DMRT1: variants seen among roughly 807,000 people sequenced by gnomAD.
The protein encoded by DMRT1 is doublesex- and mab-3-related transcription factor 1.
In DMRT1, 7 loss-of-function variants were observed where a neutral mutation model predicts 32.3. The observed-to-expected ratio is 0.22, with a 90% CI of 0.12 to 0.41. DMRT1 has a LOEUF of 0.41. Among genes scored for constraint, DMRT1 ranks in the 10% least tolerant of loss-of-function variants. The pLI is 1.00. For missense variants in DMRT1, 625 were observed against 500.5 expected (o/e 1.25, Z -2.37); for synonymous variants, 278 against 206.1 (o/e 1.35, Z -2.99).
chr9:928,519 C>A lies in DMRT1; in HGVS notation c.967+11612C>A, dbSNP rs1036179124. The stretch of plus-strand genomic sequence containing the variant: ...CTAGAGATGATTAACTCGGCCAGGT[C>A]TGAGCTTCCTGAGGCAGCGAAAGAA... On this transcript the variant is annotated intron_variant, in intron 4 of 4. Coordinates refer to ENST00000382276, the MANE Select transcript of DMRT1 (RefSeq NM_021951.3). 2.0e-5 allele frequency among the ~76,000 whole-genome samples: 3 copies of A among 152,164 alleles called. No individual in the cohort carries two copies. In the East Asian group the frequency reaches 5.8e-4, roughly 29 times the overall value.
At chr9:907,125 C>T (rs1384969727) in intron 3 of DMRT1, among the ~76,000 whole-genome samples, 1 of 152,170 alleles carries the variant, frequency 6.6e-6, no homozygotes, top group Non-Finnish European at 1.5e-5. Flanking sequence ...AACACACACC[C>T]CAGTCTTAAG....
chr9:916,091 C>G (rs917046656), intron 3 of DMRT1, among the ~76,000 whole-genome samples: 1 of 152,158 alleles, frequency 6.6e-6, no homozygotes, highest in Admixed American at 6.5e-5. Context: ...AGATAAAATT[C>G]CAGTTTTGCA....
chr9:865,557 TAGG>T (rs1815943846), intron 2 of DMRT1, among the ~76,000 whole-genome samples: 1 of 152,134 alleles, frequency 6.6e-6, no homozygotes, highest in Non-Finnish European at 1.5e-5. Flanking sequence ...CAGATATTAA[TAGG>T]AGGAGCAGAT....
At chr9:875,157 G>T (rs1241250580) in intron 2 of DMRT1, among the ~76,000 whole-genome samples, 1 of 152,092 alleles carries the variant, frequency 6.6e-6, no homozygotes, top group Admixed American at 6.6e-5. Context: ...TGTGCTTGTC[G>T]TTCTGATAAT....
chr9:855,826 C>G (rs1815375879), intron 2 of DMRT1, among the ~76,000 whole-genome samples: 2 of 152,258 alleles, frequency 1.3e-5, no homozygotes, highest in East Asian at 1.9e-4. Flanking sequence ...GCTGTGTTGC[C>G]TAGGCTGGTC....
chr9:963,296 T>C (rs1819833302), intron 4 of DMRT1, among the ~76,000 whole-genome samples: 1 of 152,234 alleles, frequency 6.6e-6, no homozygotes, highest in Non-Finnish European at 1.5e-5. Flanking sequence ...CGATACTCGA[T>C]TTTAAAGCTG....
chr9:883,116 A>T (rs750055737), intron 2 of DMRT1, among the ~76,000 whole-genome samples: 12 of 151,660 alleles, frequency 7.9e-5, no homozygotes, highest in Admixed American at 2.0e-4. Flanking sequence ...TTCCATACGC[A>T]TAGCCTGCCA....
intron 4 of DMRT1, among the ~76,000 whole-genome samples, chr9:932,961 G>T (rs1288226976): frequency 6.6e-6 from 1 of 151,754 alleles, no homozygotes; most frequent in Non-Finnish European, 1.5e-5. Flanking sequence ...CACCCAGGCT[G>T]GAGTGCAATG....
intron 3 of DMRT1, among the ~76,000 whole-genome samples, chr9:913,414 A>G (rs970359927): frequency 1.9e-4 from 9 of 47,612 alleles, no homozygotes; most frequent in Non-Finnish European, 4.6e-4. Flanking sequence ...TTTCAATTCA[A>G]AGTGTGTTTG....
intron 2 of DMRT1, among the ~76,000 whole-genome samples, chr9:863,662 T>C (rs2132587004): frequency 6.6e-6 from 1 of 152,318 alleles, no homozygotes; most frequent in Middle Eastern, 3.4e-3. Context: ...TGACAGAGAC[T>C]GGCGTCAGAT....
intron 4 of DMRT1, among the ~76,000 whole-genome samples, chr9:958,643 C>T (rs1182898703): frequency 6.6e-6 from 1 of 152,228 alleles, no homozygotes; most frequent in Admixed American, 6.5e-5. Context: ...CCGGGGGTTA[C>T]AGGCGTGAGC....
chr9:948,410 C>G (rs1038037291), intron 4 of DMRT1, among the ~76,000 whole-genome samples: 5 of 152,150 alleles, frequency 3.3e-5, no homozygotes, highest in Admixed American at 1.3e-4. Context: ...TTCTTGAAAA[C>G]TCTTTGACAT....
chr9:845,490 G>C (rs1309883880), intron 1 of DMRT1, among the ~76,000 whole-genome samples: 1 of 152,142 alleles, frequency 6.6e-6, no homozygotes, highest in African/African-American at 2.4e-5. Context: ...TTACAGGTGT[G>C]AGCAACCCCG....
rs71509980 is a variant in DMRT1, at chr9:863,341, C to T, written c.538+16198C>T. ...TCTTAAAAAAAAAAAAAAAAAAGGG[C>T]AGGGGAAGTGTGGACAGAACCTTTC... On this transcript the variant is annotated intron_variant, in intron 2 of 4. Coordinates refer to ENST00000382276, the MANE Select transcript of DMRT1 (RefSeq NM_021951.3). 5.8e-3 allele frequency among the ~76,000 whole-genome samples: 852 copies of T among 145,962 alleles called. 4 individuals carry two copies. The highest frequency in any genetic ancestry group is 9.3e-3 in the Non-Finnish European group (618 of 66,484).
intron 4 of DMRT1, among the ~76,000 whole-genome samples, chr9:952,478 T>C (rs1819459523): frequency 6.6e-6 from 1 of 152,200 alleles, no homozygotes; most frequent in Non-Finnish European, 1.5e-5. Flanking sequence ...ATTTGTGCAA[T>C]TGGACTAACA....
chr9:951,979 C>T (rs1428252105), intron 4 of DMRT1, among the ~76,000 whole-genome samples: 1 of 152,134 alleles, frequency 6.6e-6, no homozygotes, highest in African/African-American at 2.4e-5. Context: ...GCTTGCTATG[C>T]TATGTATATA....
At chr9:847,202 G>C in intron 2 of DMRT1, 59 bp downstream of exon 2, 4 of 1,563,562 alleles carry the variant, frequency 2.6e-6, no homozygotes. Context: ...CCGAAGGGTT[G>C]CAGCCACAGA....
Position 841,979 on chromosome 9 carries a change from C to T in DMRT1, c.141C>T (p.Ala47=). 1.9e-6 allele frequency: 3 copies of T among 1,577,632 alleles called. No homozygotes were observed. Among genetic ancestry groups the T allele is most frequent in the Middle Eastern group, 1.9e-4 (1 of 5,306 alleles). Residue 47 remains alanine (A), a synonymous_variant, in exon 1 of 5, where the codon GCC becomes GCT. Coordinates refer to ENST00000382276, the MANE Select transcript of DMRT1 (RefSeq NM_021951.3). ...ALVGAASGSS[A]GGSSRGGGSG... ...TGGGGGCGGCCAGCGGCTCGAGCGC[C>T]GGGGGCAGCAGCAGAGGAGGCGGCT...
intron 2 of DMRT1, among the ~76,000 whole-genome samples, chr9:880,724 C>CAAAAAA (rs754419367): frequency 1.5e-4 from 9 of 61,974 alleles, no homozygotes; most frequent in East Asian, 5.5e-4. Context: ...AACTCAGTCT[C>CAAAAAA]AAAAAAAAAA....
Sources: gnomAD v4.1 joint callset for allele counts (sites outside exome capture counted in the v4.1 genomes callset) on GRCh38, gnomAD v4.1.1 for gene constraint, MANE v1.5 for transcripts, NCBI Gene and HGNC (gene_info 2026-07-23, HGNC 2026-07-21) for gene names.